The following DYNC2I2 variants were observed in gnomAD, a reference collection of about 807,000 sequenced individuals.
DYNC2I2 encodes cytoplasmic dynein 2 intermediate chain 2.
In DYNC2I2, 39 loss-of-function variants were observed where a neutral mutation model predicts 52.0. That is an observed-to-expected ratio of 0.75 (90% CI 0.58 to 0.98). The LOEUF (loss-of-function observed/expected upper bound fraction) is 0.98. Among genes scored for constraint, DYNC2I2 ranks in the 50% least tolerant of loss-of-function variants. The pLI is 0.00. For missense variants in DYNC2I2, 743 were observed against 728.4 expected (o/e 1.02, Z -0.23); for synonymous variants, 359 against 321.1 (o/e 1.12, Z -1.26).
the DYNC2I2 span, among the ~76,000 whole-genome samples, chr9:128,678,136 C>G: frequency 4.9e-4 from 73 of 149,378 alleles, no homozygotes; most frequent in African/African-American, 1.8e-3. Flanking sequence ...ATGGTGCAAT[C>G]TTGGCTCACC....
chr9:128,660,126 T>G (rs558185720), upstream of DYNC2I2, among the ~76,000 whole-genome samples: 154 of 151,964 alleles, frequency 1.0e-3, no homozygotes, highest in Middle Eastern at 0.01. Flanking sequence ...ATTTTATTTT[T>G]GAGACGGAGT....
At chr9:128,675,274 T>A in the DYNC2I2 span, among the ~76,000 whole-genome samples, 1 of 151,938 alleles carries the variant, frequency 6.6e-6, no homozygotes, top group Non-Finnish European at 1.5e-5. Flanking sequence ...GCCTCCTGGG[T>A]TCCAGCGATT....
rs1420183055 is a variant in DYNC2I2, at chr9:128,636,319, C to T, written c.665G>A (p.Cys222Tyr). 6.3e-7 allele frequency: 1 copy of T among 1,592,066 alleles called. No homozygotes were observed. Among genetic ancestry groups the T allele is most frequent in the Non-Finnish European group, 8.5e-7 (1 of 1,169,938 alleles). The change falls in exon 4 of 9, where the codon TGT (cysteine) becomes TAT (tyrosine). Residue 222 changes from cysteine (C) to tyrosine (Y), a missense_variant. By Grantham distance (194) the Cys-to-Tyr change is radical (BLOSUM62 -2). Transcript: ENST00000372715. ...GGGCTGCGTGGGGTGGAAGGCCAGA[C>T]ACAGGACAGCGCTGGGGACCTCCAC... Reference protein sequence around the residue: ...AVVEVPSAVLCLAFHPTQPSH... With the variant: ...AVVEVPSAVLYLAFHPTQPSH...
chr9:128,635,821 C>A, intron 4 of DYNC2I2, 54 bp from the exon 5 acceptor site: 1 of 1,520,186 alleles, frequency 6.6e-7, no homozygotes. Flanking sequence ...AGCCTGACTT[C>A]CTGGCCAAAC....
chr9:128,658,204 C>T (rs555447249), upstream of DYNC2I2, among the ~76,000 whole-genome samples: 2 of 149,388 alleles, frequency 1.3e-5, no homozygotes, highest in Non-Finnish European at 1.5e-5. Context: ...CTCACTCTGT[C>T]GCCCAAGGTG....
the DYNC2I2 span, among the ~76,000 whole-genome samples, chr9:128,664,918 G>A: frequency 2.0e-5 from 3 of 151,698 alleles, no homozygotes; most frequent in Non-Finnish European, 4.4e-5. Context: ...GAGCTCAGGA[G>A]TTCAAGACCA....
the DYNC2I2 span, among the ~76,000 whole-genome samples, chr9:128,681,010 T>C: frequency 6.6e-6 from 1 of 152,190 alleles, no homozygotes; most frequent in South Asian, 2.1e-4. Flanking sequence ...AATCACATGG[T>C]GTATACTATT....
At chr9:128,640,983 G>C (rs756985113) in intron 1 of DYNC2I2, 44 bp from the exon 2 acceptor site, 1 of 1,540,890 alleles carries the variant, frequency 6.5e-7, no homozygotes, top group Non-Finnish European at 8.7e-7. Flanking sequence ...AGCTGTCCTC[G>C]CACAGCCCCC....
At chr9:128,662,200 T>G in the DYNC2I2 span, among the ~76,000 whole-genome samples, 2 of 149,484 alleles carry the variant, frequency 1.3e-5, no homozygotes, top group African/African-American at 2.5e-5. Context: ...GCCATTGCAC[T>G]CCAGCCTGGG....
chr9:128,653,457 G>A (rs999344858), intron 1 of DYNC2I2, among the ~76,000 whole-genome samples: 1 of 151,094 alleles, frequency 6.6e-6, no homozygotes, highest in African/African-American at 2.5e-5. Context: ...GCTCACACCT[G>A]TAATCCCAGC....
chr9:128,644,508 G>T (rs1277000170), intron 1 of DYNC2I2, among the ~76,000 whole-genome samples: 1 of 151,966 alleles, frequency 6.6e-6, no homozygotes, highest in African/African-American at 2.4e-5. Context: ...CCAACTCCTG[G>T]GCTCAAGTGA....
At chr9:128,641,984 C>A (rs945537739) in intron 1 of DYNC2I2, among the ~76,000 whole-genome samples, 6 of 151,282 alleles carry the variant, frequency 4.0e-5, no homozygotes, top group Non-Finnish European at 7.4e-5. Flanking sequence ...CATACACACA[C>A]ACACACACAC....
chr9:128,683,130 G>A, the DYNC2I2 span, among the ~76,000 whole-genome samples: 1 of 152,020 alleles, frequency 6.6e-6, no homozygotes, highest in Non-Finnish European at 1.5e-5. Context: ...AAGTAGCTGG[G>A]ATTACAGGTG....
rs1420183055 is a variant in DYNC2I2, at chr9:128,636,319, C to A, written c.665G>T (p.Cys222Phe). 6.3e-7 allele frequency: 1 copy of A among 1,592,066 alleles called. No individual in the cohort carries two copies. The highest frequency in any genetic ancestry group is 1.1e-5 in the South Asian group (1 of 87,588). Residue 222 changes from cysteine to phenylalanine, a missense_variant, in exon 4 of 9, where the codon TGT (cysteine) becomes TTT (phenylalanine). Physicochemically the swap from Cys to Phe is radical, Grantham distance 205. Transcript: ENST00000372715. Reference sequence around the variant, plus strand: ...GGGCTGCGTGGGGTGGAAGGCCAGACACAGGACAGCGCTGGGGACCTCCAC... The same window carrying A: ...GGGCTGCGTGGGGTGGAAGGCCAGAAACAGGACAGCGCTGGGGACCTCCAC... Reference protein sequence around the residue: ...AVVEVPSAVLCLAFHPTQPSH... With the variant: ...AVVEVPSAVLFLAFHPTQPSH...
chr9:128,655,419 G>A (rs1383128353), intron 1 of DYNC2I2, among the ~76,000 whole-genome samples: 11 of 147,868 alleles, frequency 7.4e-5, no homozygotes, highest in African/African-American at 2.5e-4. Context: ...GCTGAGGCAG[G>A]AGAATGGCAT....
chr9:128,684,321 C>T, the DYNC2I2 span, among the ~76,000 whole-genome samples: 34 of 152,110 alleles, frequency 2.2e-4, no homozygotes, highest in Non-Finnish European at 4.4e-4. Flanking sequence ...GCCCCTCCTT[C>T]ACCCCTCCAC....
At chr9:128,646,140 T>C (rs1346139812) in intron 1 of DYNC2I2, among the ~76,000 whole-genome samples, 1 of 152,192 alleles carries the variant, frequency 6.6e-6, no homozygotes, top group Non-Finnish European at 1.5e-5. Context: ...CCGGAGCAAG[T>C]TCTCCAGAAG....
chr9:128,679,519 A>G, the DYNC2I2 span, among the ~76,000 whole-genome samples: 1 of 152,296 alleles, frequency 6.6e-6, no homozygotes, highest in African/African-American at 2.4e-5. Flanking sequence ...GTTGGAGTGC[A>G]GTGGAGCAAT....
chr9:128,678,356 C>G, the DYNC2I2 span, among the ~76,000 whole-genome samples: 1 of 151,436 alleles, frequency 6.6e-6, no homozygotes. Flanking sequence ...GTGTGAGCCA[C>G]CATGCCCAGC....
Sources: allele counts gnomAD v4.1 joint callset (sites outside exome capture counted in the v4.1 genomes callset), GRCh38; gene constraint gnomAD v4.1.1; transcripts MANE v1.5; gene names NCBI Gene and HGNC (gene_info 2026-07-23, HGNC 2026-07-21).